ABCB9: variants seen among roughly 807,000 people sequenced by gnomAD.
ABCB9 encodes ATP binding cassette subfamily B member 9.
In ABCB9, 36 loss-of-function variants were observed where a neutral mutation model predicts 62.0. The observed-to-expected ratio is 0.58, with a 90% CI of 0.45 to 0.77. ABCB9 has a LOEUF of 0.77. Among genes scored for constraint, ABCB9 ranks in the 30% least tolerant of loss-of-function variants. The pLI is 0.00. For synonymous variants in ABCB9, 435 were observed against 461.4 expected (o/e 0.94, Z 0.73); for missense variants, 943 against 1,054.7 (o/e 0.89, Z 1.47).
At chr12:122,960,788 A>G (rs1212376944) in intron 1 of ABCB9, among the ~76,000 whole-genome samples, 2 of 151,972 alleles carry the variant, frequency 1.3e-5, no homozygotes, top group African/African-American at 2.4e-5. Flanking sequence ...ATAATAAGGA[A>G]ATAATGTGTG....
chr12:122,929,775 GTGA>G lies in ABCB9; in HGVS notation c.*133_*135del. 1 of 1,417,240 alleles carries G rather than the reference GTGA, an allele frequency of 7.1e-7. No homozygotes were observed. Among genetic ancestry groups the G allele is most frequent in the South Asian group, 1.6e-5 (1 of 63,572 alleles). 87.8% of individuals were successfully genotyped at this position (1,417,240 alleles called of 1,614,324 possible). A position where few individuals can be genotyped will look rare whatever the true frequency, so the allele number is the denominator to read the frequency against. ...GACCAGGGGCAAGATGCAGGAAGCG[GTGA>G]TCCATGGGACATGGCAGGTCGTCTT... On this transcript the variant is annotated 3_prime_UTR_variant, in exon 12 of 12. Transcript: ENST00000280560. The surrounding 1 kb of genome is among the most constrained non-coding windows in gnomAD (Gnocchi z 6.0).
chr12:122,931,603 G>C (rs1473841269), intron 11 of ABCB9: 1 of 156,434 alleles, frequency 6.4e-6, no homozygotes, highest in Non-Finnish European at 1.4e-5. Context: ...GGGATTATAG[G>C]CATGAGCCAT....
chr12:122,923,282 C>CTTA (rs1555269020), intron 11 of ABCB9, among the ~76,000 whole-genome samples: 4 of 150,400 alleles, frequency 2.7e-5, no homozygotes, highest in African/African-American at 9.8e-5. Context: ...ACCAGTACTT[C>CTTA]TTATTTATTT....
chr12:122,935,172 A>C (rs928608760), intron 10 of ABCB9, 100 bp downstream of exon 10: 31 of 1,377,192 alleles, frequency 2.3e-5, no homozygotes, highest in Non-Finnish European at 2.5e-5. Flanking sequence ...ATCTCTACAA[A>C]AAAAAGAGCA....
Position 122,959,997 on chromosome 12 carries a change from C to T in ABCB9, c.239G>A (p.Arg80Gln), listed in dbSNP as rs150738862. 67 of 1,613,158 alleles carry T rather than the reference C, an allele frequency of 4.2e-5. No homozygotes were observed. The highest frequency in any genetic ancestry group is 4.0e-4 in the African/African-American group (30 of 74,938). Residue 80 changes from arginine to glutamine, a missense_variant, in exon 2 of 12, where the codon CGG (arginine) becomes CAG (glutamine). Coordinates refer to ENST00000280560, the MANE Select transcript of ABCB9 (RefSeq NM_019625.4). The surrounding 1 kb of genome is among the most constrained non-coding windows in gnomAD (Gnocchi z 5.4). ...GAGGGTGATGACCAGCCACGAGGCC[C>T]GCAGCCGCCGGGGCCCCAGCGCACT... Reference protein sequence around the residue: ...KNSALGPRRLRASWLVITLVC... With the variant: ...KNSALGPRRLQASWLVITLVC...
At chr12:122,924,756 G>A (rs1316250504), downstream of ABCB9, 2 of 1,534,094 alleles carry the variant, frequency 1.3e-6, no homozygotes, top group East Asian at 2.4e-5. Context: ...CTGGCCAACT[G>A]TGCTGTTCCC....
chr12:122,937,520 A>G (rs936912918), intron 9 of ABCB9, among the ~76,000 whole-genome samples: 4 of 152,198 alleles, frequency 2.6e-5, no homozygotes, highest in African/African-American at 9.6e-5. Flanking sequence ...CTCACCAGTT[A>G]GCAAAAATTC....
intron 1 of ABCB9, among the ~76,000 whole-genome samples, chr12:122,962,480 C>T (rs989850721): frequency 2.6e-5 from 4 of 152,200 alleles, no homozygotes; most frequent in Admixed American, 1.3e-4. Context: ...GTGCCCAAAC[C>T]GCTCACACTG....
intron 7 of ABCB9, among the ~76,000 whole-genome samples, chr12:122,943,833 T>C (rs934018887): frequency 6.6e-6 from 1 of 152,060 alleles, no homozygotes; most frequent in Non-Finnish European, 1.5e-5. Flanking sequence ...TGGAGTGCAG[T>C]GGCGTGATCA....
chr12:122,954,486 G>A (rs919483701), intron 2 of ABCB9, among the ~76,000 whole-genome samples: 1 of 151,884 alleles, frequency 6.6e-6, no homozygotes, highest in Non-Finnish European at 1.5e-5. Context: ...GTGAGCCACC[G>A]TGCCCGGCCT....
At chr12:122,935,247 A>G (rs2035399263) in intron 10 of ABCB9, 25 bp downstream of exon 10, 2 of 1,585,700 alleles carry the variant, frequency 1.3e-6, no homozygotes, top group Non-Finnish European at 1.7e-6. Context: ...TGGGCCCAGG[A>G]GAGGGGCCAC....
chr12:122,928,867 G>C (rs779182333), downstream of ABCB9: 20 of 305,512 alleles, frequency 6.5e-5, no homozygotes, highest in Non-Finnish European at 8.6e-5. Flanking sequence ...CCAGACACAG[G>C]GGGAGGCCCT....
intron 7 of ABCB9, among the ~76,000 whole-genome samples, chr12:122,942,121 C>T (rs768616991): frequency 1.3e-5 from 2 of 152,114 alleles, no homozygotes; most frequent in African/African-American, 4.8e-5. Flanking sequence ...AGTAACTTGG[C>T]CCAGGTCACA....
At chr12:122,941,832 C>T (rs2035776340) in intron 7 of ABCB9, among the ~76,000 whole-genome samples, 1 of 152,042 alleles carries the variant, frequency 6.6e-6, no homozygotes, top group African/African-American at 2.4e-5. Context: ...TCAAGCAATT[C>T]TCCAACCTCA....
At chr12:122,968,332 A>G (rs2037231826), upstream of ABCB9, among the ~76,000 whole-genome samples, 2 of 152,218 alleles carry the variant, frequency 1.3e-5, no homozygotes, top group Non-Finnish European at 2.9e-5. Flanking sequence ...TTTTCTCATC[A>G]GAGAAATGGG....
At chr12:122,945,971 C>G in intron 6 of ABCB9, 54 bp downstream of exon 6, 7 of 1,582,246 alleles carry the variant, frequency 4.4e-6, no homozygotes, top group South Asian at 3.4e-5. Context: ...GGGCTTCCCC[C>G]ATCTTTGCAT....
At chr12:122,952,320 C>T (rs1484896147) in intron 2 of ABCB9, 1 of 152,274 alleles carries the variant, frequency 6.6e-6, no homozygotes, top group East Asian at 1.9e-4. Flanking sequence ...CCTTGTTCAT[C>T]CCAGGACCTG....
At position 122,947,467 on chromosome 12, in the gene ABCB9, A is replaced by G. The variant is rs1032106862; in HGVS notation, c.1053+1157T>C. 3.3e-5 allele frequency: 15 copies of G among 454,212 alleles called. No individual in the cohort carries two copies. Among genetic ancestry groups the G allele is most frequent in the African/African-American group, 2.4e-4 (12 of 49,966 alleles). The allele number at this position is 454,212 out of a possible 1,614,324, so 28.1% of individuals were successfully genotyped here. A position where few individuals can be genotyped will look rare whatever the true frequency, so the allele number is the denominator to read the frequency against. ...CAAAGGCTCCAATGGAGCTGCGACA[A>G]TGACTTACCCGGCACCACCTGGAGG... On this transcript the variant is annotated intron_variant, in intron 5 of 11. Coordinates refer to ENST00000280560, the MANE Select transcript of ABCB9 (RefSeq NM_019625.4). The surrounding 1 kb of genome is among the most constrained non-coding windows in gnomAD (Gnocchi z 6.0).
chr12:122,946,518 G>A (rs928179670), intron 5 of ABCB9: 33 of 434,890 alleles, frequency 7.6e-5, no homozygotes, highest in African/African-American at 6.2e-4. Context: ...GGCTATTCAT[G>A]ACTGGACAGT....
Sources: allele counts gnomAD v4.1 joint callset (sites outside exome capture counted in the v4.1 genomes callset), GRCh38; gene constraint gnomAD v4.1.1; non-coding constraint Gnocchi (gnomAD v3.1); transcripts MANE v1.5; gene names NCBI Gene and HGNC (gene_info 2026-07-23, HGNC 2026-07-21).